Variants in DNAJC1 observed in about 807,000 individuals in gnomAD.
DNAJC1 encodes dnaJ homolog subfamily C member 1.
A neutral mutation model predicts 76.6 loss-of-function variants in DNAJC1; 58 were observed. That is an observed-to-expected ratio of 0.76 (90% CI 0.61 to 0.94). DNAJC1 has a LOEUF of 0.94. Ranked by LOEUF, DNAJC1 falls within the 40% of genes least tolerant of loss-of-function variation. DNAJC1 has a pLI of 0.00. For missense variants in DNAJC1, 689 were observed against 677.3 expected (o/e 1.02, Z -0.19); for synonymous variants, 258 against 267.9 (o/e 0.96, Z 0.36).
chr10:21,945,435 T>C (rs1247182727), intron 1 of DNAJC1, among the ~76,000 whole-genome samples: 2 of 152,120 alleles, frequency 1.3e-5, no homozygotes, highest in Non-Finnish European at 2.9e-5. Flanking sequence ...AAAGATATAG[T>C]TGAGAGAGGA....
At chr10:21,902,853 G>A (rs1040551797) in intron 7 of DNAJC1, among the ~76,000 whole-genome samples, 3 of 152,032 alleles carry the variant, frequency 2.0e-5, no homozygotes, top group African/African-American at 7.3e-5. Flanking sequence ...ATGATAAGCT[G>A]TGTCCATGAG....
intron 8 of DNAJC1, among the ~76,000 whole-genome samples, chr10:21,835,941 G>T (rs892077644): frequency 1.3e-5 from 2 of 152,140 alleles, no homozygotes; most frequent in Non-Finnish European, 2.9e-5. Context: ...ATCTAGCAAG[G>T]CAGGCCACCA....
rs759530138 is a variant in DNAJC1 at position 21,904,525 on chromosome 10, G to T, written c.817C>A (p.Gln273Lys). The T allele has an allele frequency of 6.4e-7, 1 of 1,556,728 alleles. No individual in the cohort carries two copies. Among genetic ancestry groups the T allele is most frequent in the Non-Finnish European group, 8.7e-7 (1 of 1,150,586 alleles). ...AACACTAATGTTTAAAACTCACTTTGAAGTGTTTCAAGTTCAGTTCTAGTC... is the reference window on the plus strand; with the variant it reads ...AACACTAATGTTTAAAACTCACTTTTAAGTGTTTCAAGTTCAGTTCTAGTC... ...ALTRTELETL[Q>K]KQKKVKKPKP... The change falls in exon 7 of 12, where the codon CAA becomes AAA. Residue 273 changes from glutamine to lysine, a missense_variant. By Grantham distance (53) the Gln-to-Lys change is moderately conservative. Transcript: ENST00000376980.
intron 1 of DNAJC1, among the ~76,000 whole-genome samples, chr10:21,993,488 C>T (rs917547884): frequency 2.6e-5 from 4 of 152,174 alleles, no homozygotes; most frequent in African/African-American, 7.2e-5. Context: ...CTCTCTGACT[C>T]GTATTTTGTT....
intron 1 of DNAJC1, among the ~76,000 whole-genome samples, chr10:21,994,364 T>C (rs191270694): frequency 6.6e-6 from 1 of 152,342 alleles, no homozygotes; most frequent in African/African-American, 2.4e-5. Context: ...TAATTTACTT[T>C]AAGTTAAATC....
chr10:21,906,849 TAC>T (rs1836754570), intron 6 of DNAJC1, among the ~76,000 whole-genome samples: 1 of 152,336 alleles, frequency 6.6e-6, no homozygotes, highest in East Asian at 1.9e-4. Context: ...TGATATCTTC[TAC>T]ACAGTTAGGC....
At chr10:21,828,540 A>T (rs1284898236) in intron 8 of DNAJC1, among the ~76,000 whole-genome samples, 1 of 152,190 alleles carries the variant, frequency 6.6e-6, no homozygotes, top group African/African-American at 2.4e-5. Flanking sequence ...ATTATGACAG[A>T]CTTAAAGTCT....
intron 8 of DNAJC1, among the ~76,000 whole-genome samples, chr10:21,807,995 A>C (rs1054884023): frequency 3.3e-5 from 5 of 152,184 alleles, no homozygotes; most frequent in African/African-American, 1.2e-4. Flanking sequence ...AAAAGCTTTA[A>C]TAAGTAGACC....
chr10:21,922,742 C>T (rs1837060274), intron 3 of DNAJC1, among the ~76,000 whole-genome samples: 1 of 151,942 alleles, frequency 6.6e-6, no homozygotes, highest in Non-Finnish European at 1.5e-5. Context: ...GTCCAATCAA[C>T]CTTAAGTCCT....
intron 3 of DNAJC1, among the ~76,000 whole-genome samples, chr10:21,925,482 A>G (rs548852360): frequency 1.3e-5 from 2 of 152,340 alleles, no homozygotes; most frequent in South Asian, 2.1e-4. Flanking sequence ...CTGAAGATTT[A>G]TGTGAATGTT....
In DNAJC1 at chr10:22,003,343, A is replaced by G. The variant is rs1447102372; in HGVS notation, c.92T>C (p.Leu31Pro). 1.4e-6 allele frequency: 2 copies of G among 1,448,788 alleles called. No individual in the cohort carries two copies. The highest frequency in any genetic ancestry group is 1.8e-6 in the Non-Finnish European group (2 of 1,104,380). 89.7% of individuals were successfully genotyped at this position (1,448,788 alleles called of 1,614,324 possible). A position where few individuals can be genotyped will look rare whatever the true frequency, so the allele number is the denominator to read the frequency against. ...PFPPPPPRTP[L>P]LWLLLLLLAA... ...CAGCAGCAGCAGCAGCAGCCACAGC[A>G]GCGGCGTCCGCGGCGGCGGCGGCGG... The change falls in exon 1 of 12, where the codon CTG becomes CCG. Residue 31 changes from leucine (L) to proline (P), a missense_variant. Transcript: ENST00000376980.
At chr10:21,993,115 C>CAT (rs111841386) in intron 1 of DNAJC1, among the ~76,000 whole-genome samples, 105,185 of 151,304 alleles carry the variant, frequency 0.7, 36,852 homozygotes, top group East Asian at 0.96. Flanking sequence ...TTATATTTAC[C>CAT]ATATATATAT....
chr10:21,953,050 T>C (rs1837623701), intron 1 of DNAJC1, among the ~76,000 whole-genome samples: 3 of 152,216 alleles, frequency 2.0e-5, no homozygotes, highest in South Asian at 4.2e-4. Flanking sequence ...CTTCAATATA[T>C]AGTGATAACA....
chr10:21,829,547 A>G (rs1354338014), intron 8 of DNAJC1, among the ~76,000 whole-genome samples: 1 of 151,806 alleles, frequency 6.6e-6, no homozygotes, highest in Non-Finnish European at 1.5e-5. Context: ...AGACGGGATT[A>G]AACCATGTTG....
At chr10:21,809,484 C>T (rs1006859517) in intron 8 of DNAJC1, among the ~76,000 whole-genome samples, 5 of 151,374 alleles carry the variant, frequency 3.3e-5, no homozygotes, top group Non-Finnish European at 7.4e-5. Context: ...AAGAAAATAA[C>T]ATTCTTACAT....
chr10:22,003,091 G>C lies in DNAJC1; in HGVS notation c.222+122C>G, dbSNP rs542055928. On this transcript the variant is annotated intron_variant, in intron 1 of 11. Coordinates refer to ENST00000376980, the MANE Select transcript of DNAJC1 (RefSeq NM_022365.4). The stretch of plus-strand genomic sequence containing the variant: ...TGAGGACCCCGGTGACCCGAGCTGA[G>C]GGCAGCCAGAGCCCGGGGTGACCAA... 2.0e-5 allele frequency: 26 copies of C among 1,329,482 alleles called. No homozygotes were observed. In the East Asian group the frequency reaches 8.1e-4, roughly 42 times the overall value. The allele number at this position is 1,329,482 out of a possible 1,614,324, so 82.4% of individuals were successfully genotyped here.
chr10:21,897,976 G>A (rs1836571788), intron 7 of DNAJC1, among the ~76,000 whole-genome samples: 1 of 152,112 alleles, frequency 6.6e-6, no homozygotes, highest in Admixed American at 6.5e-5. Flanking sequence ...AAAATCCAAG[G>A]AATCTACATT....
intron 9 of DNAJC1, among the ~76,000 whole-genome samples, chr10:21,770,372 A>G (rs1834358113): frequency 6.8e-6 from 1 of 146,636 alleles, no homozygotes; most frequent in African/African-American, 2.5e-5. Flanking sequence ...TTTATTATTG[A>G]GTTGTAAGAT....
At chr10:21,828,134 T>C (rs1405426039) in intron 8 of DNAJC1, among the ~76,000 whole-genome samples, 2 of 152,340 alleles carry the variant, frequency 1.3e-5, no homozygotes, top group Non-Finnish European at 2.9e-5. Context: ...TACTTTGTTA[T>C]TACTGCAAAA....
Sources: gnomAD v4.1 joint callset for allele counts (sites outside exome capture counted in the v4.1 genomes callset) on GRCh38, gnomAD v4.1.1 for gene constraint, MANE v1.5 for transcripts, NCBI Gene and HGNC (gene_info 2026-07-23, HGNC 2026-07-21) for gene names.